The following DRC8 variants were observed in gnomAD, a reference collection of about 807,000 sequenced individuals.
DRC8 encodes the protein dynein regulatory complex subunit 8, also known as dynein regulatory complex protein 8.
chr1:245,040,357 T>C, the DRC8 span, among the ~76,000 whole-genome samples: 1 of 152,212 alleles, frequency 6.6e-6, no homozygotes, highest in Non-Finnish European at 1.5e-5. Context: ...TCTTTTTCTC[T>C]GCCACTACTT....
At chr1:245,100,211 C>T in the DRC8 span, among the ~76,000 whole-genome samples, 2 of 151,868 alleles carry the variant, frequency 1.3e-5, no homozygotes, top group Non-Finnish European at 2.9e-5. Flanking sequence ...ATGGTGAAAC[C>T]CAGTCTCTAC....
At chr1:245,094,229 A>C in the DRC8 span, among the ~76,000 whole-genome samples, 1 of 152,122 alleles carries the variant, frequency 6.6e-6, no homozygotes, top group Non-Finnish European at 1.5e-5. Context: ...TTCTTACACA[A>C]CATGATGAAG....
At chr1:245,082,114 G>T in the DRC8 span, 2 of 1,612,778 alleles carry the variant, frequency 1.2e-6, no homozygotes, top group South Asian at 1.1e-5. Context: ...GGATACATTC[G>T]ATTCGAAAAA....
chr1:245,051,330 T>C, the DRC8 span, among the ~76,000 whole-genome samples: 4 of 151,900 alleles, frequency 2.6e-5, no homozygotes, highest in African/African-American at 9.7e-5. Flanking sequence ...AGTTTGAGTA[T>C]GTAGTGAGTG....
chr1:245,117,706 T>C, the DRC8 span, among the ~76,000 whole-genome samples: 1 of 152,150 alleles, frequency 6.6e-6, no homozygotes, highest in Non-Finnish European at 1.5e-5. Context: ...CGGTGGCTCA[T>C]GTCTATAATC....
chr1:244,991,569 G>A, the DRC8 span, among the ~76,000 whole-genome samples: 1 of 152,106 alleles, frequency 6.6e-6, no homozygotes, highest in East Asian at 1.9e-4. Flanking sequence ...ATTGTAACTT[G>A]TTTACTATGG....
the DRC8 span, chr1:244,970,497 G>A: frequency 1.3e-6 from 2 of 1,516,792 alleles, no homozygotes; most frequent in Non-Finnish European, 8.8e-7. Context: ...GCGACCCCGG[G>A]CTGCACGGGG....
the DRC8 span, among the ~76,000 whole-genome samples, chr1:245,026,871 G>A: frequency 6.6e-6 from 1 of 152,118 alleles, no homozygotes; most frequent in Non-Finnish European, 1.5e-5. Context: ...AAATGATAAG[G>A]ATTATCCTCA....
At chr1:244,978,531 C>G in the DRC8 span, among the ~76,000 whole-genome samples, 1 of 152,124 alleles carries the variant, frequency 6.6e-6, no homozygotes, top group Non-Finnish European at 1.5e-5. Flanking sequence ...ACTCTGTCAC[C>G]CTGGCTGGGG....
At chr1:245,060,132 A>T in the DRC8 span, among the ~76,000 whole-genome samples, 4 of 152,176 alleles carry the variant, frequency 2.6e-5, no homozygotes, top group Admixed American at 2.6e-4. Context: ...GAGTCTGGGG[A>T]TGGCAAAGGG....
the DRC8 span, among the ~76,000 whole-genome samples, chr1:245,074,493 T>C: frequency 6.6e-6 from 1 of 152,302 alleles, no homozygotes; most frequent in East Asian, 1.9e-4. Flanking sequence ...AAATTAATGG[T>C]CTGACAGGCA....
the DRC8 span, among the ~76,000 whole-genome samples, chr1:245,065,626 C>T: frequency 4.4e-3 from 663 of 152,162 alleles, 1 homozygote; most frequent in African/African-American, 0.015. Context: ...CTGTTCTGGT[C>T]TTTGTTTTTG....
the DRC8 span, among the ~76,000 whole-genome samples, chr1:245,078,517 G>T: frequency 6.6e-6 from 1 of 152,068 alleles, no homozygotes; most frequent in African/African-American, 2.4e-5. Context: ...AGGAGGTCCT[G>T]CTATTTGCAA....
At chr1:245,046,643 A>G in the DRC8 span, among the ~76,000 whole-genome samples, 12 of 152,326 alleles carry the variant, frequency 7.9e-5, no homozygotes, top group East Asian at 2.3e-3. Flanking sequence ...ATGGGAGGAC[A>G]AGAGAAGCTC....
At chr1:245,109,617 G>T in the DRC8 span, among the ~76,000 whole-genome samples, 5 of 152,350 alleles carry the variant, frequency 3.3e-5, no homozygotes, top group Admixed American at 3.3e-4. Flanking sequence ...AGTCATTTAT[G>T]TATGTTAGTT....
the DRC8 span, chr1:244,970,361 G>C: frequency 6.5e-7 from 1 of 1,529,960 alleles, no homozygotes; most frequent in African/African-American, 1.4e-5. Flanking sequence ...GAGCAGGCCG[G>C]GACACCGCGG....
the DRC8 span, chr1:245,059,560 A>G: frequency 1.1e-6 from 1 of 906,448 alleles, no homozygotes; most frequent in South Asian, 1.6e-5. Context: ...AAGTGCCCCA[A>G]ACTACTGAAT....
chr1:245,004,177 G>A, the DRC8 span, among the ~76,000 whole-genome samples: 1 of 152,140 alleles, frequency 6.6e-6, no homozygotes, highest in Non-Finnish European at 1.5e-5. Context: ...AGCCTCTGGA[G>A]CAGCTGGGAC....
the DRC8 span, chr1:245,082,098 C>A: frequency 6.2e-7 from 1 of 1,610,976 alleles, no homozygotes; most frequent in Non-Finnish European, 8.5e-7. Flanking sequence ...GGAAGAAGAA[C>A]CCACTGGATA....
Sources: allele counts gnomAD v4.1 joint callset (sites outside exome capture counted in the v4.1 genomes callset), GRCh38; gene constraint gnomAD v4.1.1; transcripts MANE v1.5; gene names NCBI Gene and HGNC (gene_info 2026-07-23, HGNC 2026-07-21).